The following STK3 variants were observed in gnomAD, a reference collection of about 807,000 sequenced individuals.
The protein encoded by STK3 is serine/threonine kinase 3.
In STK3, 41 loss-of-function variants were observed where a neutral mutation model predicts 58.0. That is an observed-to-expected ratio of 0.71 (90% CI 0.55 to 0.92). STK3 has a LOEUF of 0.92. Among genes scored for constraint, STK3 ranks in the 40% least tolerant of loss-of-function variants. The pLI is 0.00. For missense variants in STK3, 479 were observed against 602.7 expected (o/e 0.79, Z 2.15); for synonymous variants, 170 against 191.0 (o/e 0.89, Z 0.91).
chr8:98,716,156 G>A (rs1315983427), intron 4 of STK3, among the ~76,000 whole-genome samples: 2 of 152,092 alleles, frequency 1.3e-5, no homozygotes, highest in East Asian at 1.9e-4. Context: ...AGTGGGGAGC[G>A]ATAGCATTAG....
chr8:98,550,157 T>C (rs144444023), intron 8 of STK3, among the ~76,000 whole-genome samples: 1 of 151,840 alleles, frequency 6.6e-6, no homozygotes, highest in Non-Finnish European at 1.5e-5. Flanking sequence ...ACATCAATGT[T>C]GAGTTTCAGC....
chr8:98,388,641 C>T (rs1817816735), upstream of STK3, among the ~76,000 whole-genome samples: 1 of 152,034 alleles, frequency 6.6e-6, no homozygotes, highest in African/African-American at 2.4e-5. Context: ...TTTCAAATAA[C>T]TTGCAAGAAA....
At chr8:98,499,478 G>A (rs963582513) in intron 10 of STK3, among the ~76,000 whole-genome samples, 5 of 152,208 alleles carry the variant, frequency 3.3e-5, no homozygotes, top group Non-Finnish European at 4.4e-5. Context: ...AGGCTAGAAG[G>A]AGTGGGAGGT....
intron 6 of STK3, among the ~76,000 whole-genome samples, chr8:98,617,611 T>C (rs1042601640): frequency 3.3e-5 from 5 of 151,700 alleles, no homozygotes; most frequent in African/African-American, 1.2e-4. Context: ...ATCGACACAA[T>C]AAAAAATGAT....
chr8:98,639,002 T>C (rs1819819095), intron 6 of STK3, among the ~76,000 whole-genome samples: 1 of 152,110 alleles, frequency 6.6e-6, no homozygotes, highest in African/African-American at 2.4e-5. Flanking sequence ...AATAGACATA[T>C]TATGGGAAAG....
chr8:98,492,978 C>T (rs913343878), intron 10 of STK3, among the ~76,000 whole-genome samples: 2 of 152,040 alleles, frequency 1.3e-5, no homozygotes, highest in African/African-American at 4.8e-5. Flanking sequence ...CACCTGTAAT[C>T]CCAGCACTTT....
At chr8:98,711,395 A>T (rs939077074) in intron 4 of STK3, among the ~76,000 whole-genome samples, 1 of 152,180 alleles carries the variant, frequency 6.6e-6, no homozygotes, top group African/African-American at 2.4e-5. Context: ...AAAAAAAATT[A>T]GACAAATGGC....
At chr8:98,595,189 A>G (rs986981662) in intron 7 of STK3, 1 of 152,182 alleles carries the variant, frequency 6.6e-6, no homozygotes, top group Non-Finnish European at 1.5e-5. Context: ...ATGGAGATTG[A>G]GTACCAAGTT....
At chr8:98,929,836 A>G (rs1026634329) in intron 1 of STK3, among the ~76,000 whole-genome samples, 11 of 152,180 alleles carry the variant, frequency 7.2e-5, no homozygotes, top group Admixed American at 2.0e-4. Context: ...TGAAAAGCAG[A>G]AAGTGCTTGG....
intron 4 of STK3, among the ~76,000 whole-genome samples, chr8:98,711,872 A>T: frequency 6.6e-6 from 1 of 152,156 alleles, no homozygotes; most frequent in East Asian, 1.9e-4. Flanking sequence ...AAATGTTAAC[A>T]GTAGCCAGAG....
chr8:98,458,292 G>A (rs748445892), intron 10 of STK3, among the ~76,000 whole-genome samples: 7 of 151,980 alleles, frequency 4.6e-5, no homozygotes, highest in Non-Finnish European at 1.0e-4. Context: ...TCATAATATT[G>A]ATTCTTCCAA....
intron 6 of STK3, among the ~76,000 whole-genome samples, chr8:98,631,216 G>A (rs1310126199): frequency 6.6e-6 from 1 of 152,096 alleles, no homozygotes; most frequent in South Asian, 2.1e-4. Context: ...AATGAAGAAC[G>A]AGCCGTTTAA....
At chr8:98,704,330 C>T (rs1359814030) in intron 6 of STK3, among the ~76,000 whole-genome samples, 1 of 151,936 alleles carries the variant, frequency 6.6e-6, no homozygotes, top group Non-Finnish European at 1.5e-5. Flanking sequence ...AGACAGCTCA[C>T]AAACACAAGA....
intron 10 of STK3, among the ~76,000 whole-genome samples, chr8:98,474,979 A>G (rs554569728): frequency 6.6e-6 from 1 of 152,304 alleles, no homozygotes; most frequent in African/African-American, 2.4e-5. Flanking sequence ...GCCATCTTAC[A>G]TGGCAACAAC....
chr8:98,741,525 TA>T (rs1158124615), intron 4 of STK3, among the ~76,000 whole-genome samples: 1 of 152,122 alleles, frequency 6.6e-6, no homozygotes. Flanking sequence ...AAGGCAGAAA[TA>T]AAGATGGTCT....
chr8:98,902,089 G>A (rs751511707), intron 1 of STK3, among the ~76,000 whole-genome samples: 7 of 152,008 alleles, frequency 4.6e-5, no homozygotes, highest in South Asian at 2.1e-4. Context: ...CCTCTCCCGC[G>A]CTTTCTTCTG....
At chr8:98,585,868 G>A (rs1353291900) in intron 7 of STK3, among the ~76,000 whole-genome samples, 1 of 151,222 alleles carries the variant, frequency 6.6e-6, no homozygotes, top group East Asian at 1.9e-4. Flanking sequence ...ATTGTGAATG[G>A]GAGTTCACTC....
chr8:98,535,985 A>G (rs566628099), intron 9 of STK3, among the ~76,000 whole-genome samples: 7 of 152,294 alleles, frequency 4.6e-5, no homozygotes, highest in African/African-American at 1.4e-4. Flanking sequence ...GAGAAGTGGT[A>G]GCAACAGAAA....
At chr8:98,662,849 C>T (rs1822062867) in intron 6 of STK3, among the ~76,000 whole-genome samples, 1 of 151,952 alleles carries the variant, frequency 6.6e-6, no homozygotes, top group Non-Finnish European at 1.5e-5. Context: ...CAACAGGCCC[C>T]GGTGTGTGAT....
Sources: allele counts gnomAD v4.1 joint callset (sites outside exome capture counted in the v4.1 genomes callset), GRCh38; gene constraint gnomAD v4.1.1; transcripts MANE v1.5; gene names NCBI Gene and HGNC (gene_info 2026-07-23, HGNC 2026-07-21).